The following ILDR2 variants were observed in gnomAD, a reference collection of about 807,000 sequenced individuals.
ILDR2 encodes the protein immunoglobulin-like domain-containing receptor 2.
In ILDR2, 25 loss-of-function variants were observed where a neutral mutation model predicts 66.8. The ratio of observed to expected loss-of-function variants is 0.37; its 90% CI spans 0.27 to 0.52. The LOEUF (loss-of-function observed/expected upper bound fraction) is 0.52. Among genes scored for constraint, ILDR2 ranks in the 20% least tolerant of loss-of-function variants. ILDR2 has a pLI of 0.88. For missense variants in ILDR2, 827 were observed against 876.8 expected (o/e 0.94, Z 0.72); for synonymous variants, 367 against 357.2 (o/e 1.03, Z -0.31).
chr1:166,948,789 C>T (rs1452426994), intron 3 of ILDR2, among the ~76,000 whole-genome samples: 4 of 152,292 alleles, frequency 2.6e-5, no homozygotes, highest in East Asian at 1.9e-4. Flanking sequence ...ATGTAGAATT[C>T]CCTAAAGAGG....
intron 2 of ILDR2, among the ~76,000 whole-genome samples, chr1:166,901,142 A>C (rs574627026): frequency 6.6e-6 from 1 of 152,304 alleles, no homozygotes; most frequent in East Asian, 1.9e-4. Context: ...GTCTGTGGCT[A>C]CAAGGGGCTC....
rs1172130627 is a variant in ILDR2 at position 166,967,285 on chromosome 1, C to A, written c.46+7938G>T. Among the ~76,000 whole-genome samples, 5 of 152,164 alleles carry A rather than the reference C, an allele frequency of 3.3e-5. No individual in the cohort carries two copies. In the East Asian group the frequency reaches 9.6e-4, roughly 29 times the overall value. ...TGCATGTTGGAAACGGTAGGCTTAT[C>A]CCCACAGATTTGGACTCTTACAGGA... On this transcript the variant is annotated intron_variant, in intron 1 of 9. Coordinates refer to ENST00000271417, the MANE Select transcript of ILDR2 (RefSeq NM_199351.3).
At chr1:166,925,831 T>C (rs906555846) in intron 7 of ILDR2, among the ~76,000 whole-genome samples, 3 of 152,212 alleles carry the variant, frequency 2.0e-5, no homozygotes, top group African/African-American at 7.2e-5. Context: ...ACCAGAATTC[T>C]TCCTTTAGTT....
At chr1:166,952,038 A>G (rs1431808585) in intron 3 of ILDR2, among the ~76,000 whole-genome samples, 1 of 152,230 alleles carries the variant, frequency 6.6e-6, no homozygotes, top group Non-Finnish European at 1.5e-5. Context: ...CACATAGGAC[A>G]TCAGAAAGAA....
chr1:166,903,826 G>A (rs1310268855), downstream of ILDR2, among the ~76,000 whole-genome samples: 5 of 152,164 alleles, frequency 3.3e-5, no homozygotes, highest in East Asian at 9.7e-4. Flanking sequence ...CCCTTTCCTT[G>A]GAACTCTGCC....
rs898266824 is a variant in ILDR2, at chr1:166,917,917, C to G, written c.*1438G>C. 1 of 152,104 alleles carries G rather than the reference C, an allele frequency of 6.6e-6. No homozygotes were observed. Among genetic ancestry groups the G allele is most frequent in the Non-Finnish European group, 1.5e-5 (1 of 68,048 alleles). The allele number at this position is 152,104 out of a possible 1,614,324, so 9.4% of individuals were successfully genotyped here. On this transcript the variant is annotated 3_prime_UTR_variant, in exon 10 of 10. Transcript: ENST00000271417. ...TCACCTGATGGTAGTTGCAAGGTTC[C>G]CAAGAGCAGCAAAAGAGGACAAGCC...
rs1409510966 is a variant in ILDR2, at chr1:166,921,929, G to A, written c.1212-550C>T. Among the ~76,000 whole-genome samples, 2 of 152,140 alleles carry A rather than the reference G, an allele frequency of 1.3e-5. No individual in the cohort carries two copies. The highest frequency in any genetic ancestry group is 2.9e-5 in the Non-Finnish European group (2 of 68,004). Reference sequence around the variant, plus strand: ...AGATGAGTGGTGAAGGTGCTATTTAGGGGGAATAGCAAATCTTAGCCTCCC... The same window carrying A: ...AGATGAGTGGTGAAGGTGCTATTTAAGGGGAATAGCAAATCTTAGCCTCCC... On this transcript the variant is annotated intron_variant, in intron 8 of 9. Transcript: ENST00000271417. The surrounding 1 kb of genome is among the most constrained non-coding windows in gnomAD (Gnocchi z 5.3).
intron 3 of ILDR2, among the ~76,000 whole-genome samples, chr1:166,955,799 T>G (rs1662245438): frequency 6.6e-6 from 1 of 152,184 alleles, no homozygotes; most frequent in East Asian, 1.9e-4. Context: ...AAATCTACCT[T>G]CAACCTCATT....
At chr1:166,926,037 G>A (rs772961510) in intron 7 of ILDR2, among the ~76,000 whole-genome samples, 3 of 152,154 alleles carry the variant, frequency 2.0e-5, no homozygotes, top group African/African-American at 7.2e-5. Context: ...TTTTATAGTC[G>A]GTGTGGTGGG....
In ILDR2 at chr1:166,909,752, T is replaced by C. The variant is rs1349216527; in HGVS notation, c.*9603A>G. On this transcript the variant is annotated 3_prime_UTR_variant, in exon 10 of 10. Coordinates refer to ENST00000271417, the MANE Select transcript of ILDR2 (RefSeq NM_199351.3). ...GTATACATACATATATATATATATA[T>C]ATATATAAATATATATAAATATATA... is the stretch of plus-strand genomic sequence containing the variant. 1 of 76,468 alleles carries C rather than the reference T, an allele frequency of 1.3e-5. No individual in the cohort carries two copies. The highest frequency in any genetic ancestry group is 5.4e-4 in the South Asian group (1 of 1,850). The allele number at this position is 76,468 out of a possible 1,614,324, so 4.7% of individuals were successfully genotyped here.
At chr1:166,898,425 C>A (rs1472107844) in intron 2 of ILDR2, among the ~76,000 whole-genome samples, 3 of 152,218 alleles carry the variant, frequency 2.0e-5, no homozygotes, top group Non-Finnish European at 4.4e-5. Flanking sequence ...ATTCTTTTCT[C>A]TTTGTGGTCT....
At chr1:166,901,134 C>A (rs1557918799) in intron 2 of ILDR2, among the ~76,000 whole-genome samples, 2 of 152,284 alleles carry the variant, frequency 1.3e-5, no homozygotes, top group South Asian at 2.1e-4. Flanking sequence ...GAAGTATAGT[C>A]TGTGGCTACA....
intron 3 of ILDR2, among the ~76,000 whole-genome samples, chr1:166,940,802 T>G (rs947368942): frequency 1.3e-5 from 2 of 152,220 alleles, no homozygotes; most frequent in Non-Finnish European, 2.9e-5. Flanking sequence ...ATATGGCTCA[T>G]TTAGAAAACA....
rs1272492514 is a variant in ILDR2, at chr1:166,918,020, C to A, written c.*1335G>T. ...TGGCTAAATCAAATCACATAGCCAA[C>A]TCCAGATTCAAGGGGTTGGAAAAAA... On this transcript the variant is annotated 3_prime_UTR_variant, in exon 10 of 10. Coordinates refer to ENST00000271417, the MANE Select transcript of ILDR2 (RefSeq NM_199351.3). 1.3e-5 allele frequency: 2 copies of A among 152,176 alleles called. No individual in the cohort carries two copies. Among genetic ancestry groups the A allele is most frequent in the Non-Finnish European group, 2.9e-5 (2 of 68,044 alleles). 9.4% of individuals were successfully genotyped at this position (152,176 alleles called of 1,614,324 possible).
chr1:166,948,703 A>G (rs954978709), intron 3 of ILDR2, among the ~76,000 whole-genome samples: 7 of 152,200 alleles, frequency 4.6e-5, no homozygotes, highest in South Asian at 2.1e-4. Context: ...AGGATTGCCA[A>G]TTCACAGATG....
chr1:166,958,089 C>A lies in ILDR2; in HGVS notation c.59G>T (p.Gly20Val). ...SLFWLTAMVEGLQVTVPDKKK... is the reference protein window; with the variant it reads ...SLFWLTAMVEVLQVTVPDKKK... ...CTTGTCGGGCACTGTGACCTGAAGG[C>A]CTTCGACCATGGCTGCAAAACAGAA... Residue 20 changes from glycine (G) to valine (V), a missense_variant, in exon 2 of 10, where the codon GGC becomes GTC. Gly to Val is a moderately radical substitution (Grantham distance 109). Coordinates refer to ENST00000271417, the MANE Select transcript of ILDR2 (RefSeq NM_199351.3). 4 of 1,608,622 alleles carry A rather than the reference C, an allele frequency of 2.5e-6. No individual in the cohort carries two copies. The highest frequency in any genetic ancestry group is 3.4e-6 in the Non-Finnish European group (4 of 1,175,416).
intron 1 of ILDR2, among the ~76,000 whole-genome samples, chr1:166,964,775 A>G (rs1288974977): frequency 6.6e-6 from 1 of 152,226 alleles, no homozygotes; most frequent in Non-Finnish European, 1.5e-5. Flanking sequence ...GTGCAAAAAA[A>G]GGTCCTGCCC....
intron 3 of ILDR2, among the ~76,000 whole-genome samples, chr1:166,942,986 C>G (rs898052234): frequency 6.6e-6 from 1 of 152,220 alleles, no homozygotes; most frequent in Non-Finnish European, 1.5e-5. Flanking sequence ...CATCAAGCTT[C>G]TCATTCTCCC....
Position 166,908,287 on chromosome 1 carries a change from G to C in ILDR2, c.*11068C>G, listed in dbSNP as rs1470675744. On this transcript the variant is annotated 3_prime_UTR_variant, in exon 10 of 10. Coordinates refer to ENST00000271417, the MANE Select transcript of ILDR2 (RefSeq NM_199351.3). ...AGTTCCTGGCGAAGGTCCTTTTCCT[G>C]GTTTGCAGACAGATACCTTGCTGTA... 6.6e-6 allele frequency: 1 copy of C among 152,226 alleles called. No individual in the cohort carries two copies. The highest frequency in any genetic ancestry group is 2.4e-5 in the African/African-American group (1 of 41,446). 9.4% of individuals were successfully genotyped at this position (152,226 alleles called of 1,614,324 possible).
Sources: gnomAD v4.1 joint callset for allele counts (sites outside exome capture counted in the v4.1 genomes callset) on GRCh38, gnomAD v4.1.1 for gene constraint, Gnocchi (gnomAD v3.1) non-coding constraint, MANE v1.5 for transcripts, NCBI Gene and HGNC (gene_info 2026-07-23, HGNC 2026-07-21) for gene names.